The following MAP4K3 variants were observed in gnomAD, a reference collection of about 807,000 sequenced individuals.
MAP4K3 encodes mitogen-activated protein kinase kinase kinase kinase 3.
In MAP4K3, 94 loss-of-function variants were observed where a neutral mutation model predicts 143.5. The observed-to-expected ratio is 0.65, with a 90% CI of 0.55 to 0.78. The LOEUF (loss-of-function observed/expected upper bound fraction) is 0.78. Among genes scored for constraint, MAP4K3 ranks in the 30% least tolerant of loss-of-function variants. The probability of loss-of-function intolerance (pLI) is 0.00; values close to 1 mark genes in which losing one functional copy is unlikely to be tolerated. For missense variants in MAP4K3, 1,077 were observed against 1,068.1 expected (o/e 1.01, Z -0.12); for synonymous variants, 416 against 347.2 (o/e 1.20, Z -2.20).
intron 28 of MAP4K3, 48 bp from the exon 29 acceptor site, chr2:39,260,825 A>C (rs1680539271): frequency 7.5e-7 from 1 of 1,328,200 alleles, no homozygotes; most frequent in Admixed American, 1.9e-5. Flanking sequence ...ATAAAAACCG[A>C]ATAATTCTAT....
At chr2:39,274,944 C>G (rs558543504) in intron 24 of MAP4K3, among the ~76,000 whole-genome samples, 59 of 152,208 alleles carry the variant, frequency 3.9e-4, no homozygotes, top group Admixed American at 1.1e-3. Context: ...AGTAGGCTCA[C>G]GCCACCCTGT....
At chr2:39,394,445 C>T (rs962958101) in intron 1 of MAP4K3, among the ~76,000 whole-genome samples, 3 of 152,036 alleles carry the variant, frequency 2.0e-5, no homozygotes, top group African/African-American at 7.2e-5. Context: ...TGTGGTTCTC[C>T]AGAACAAAAA....
intron 2 of MAP4K3, among the ~76,000 whole-genome samples, chr2:39,371,274 T>A (rs1245731589): frequency 2.0e-5 from 3 of 152,138 alleles, no homozygotes; most frequent in African/African-American, 7.2e-5. Flanking sequence ...AAAGGAGAGC[T>A]GTATGTAAAG....
intron 16 of MAP4K3, chr2:39,294,124 G>T (rs1474745014): frequency 2.0e-5 from 3 of 152,024 alleles, no homozygotes; most frequent in African/African-American, 7.3e-5. Flanking sequence ...ATATACTACT[G>T]GGATAAAAGA....
chr2:39,319,200 T>G lies in MAP4K3; in HGVS notation c.919-3812A>C, dbSNP rs192056763. Among the ~76,000 whole-genome samples the G allele has an allele frequency of 2.4e-3, 366 of 152,224 alleles. 5 individuals carry two copies. Among genetic ancestry groups the G allele is most frequent in the Non-Finnish European group, 2.6e-3 (180 of 68,014 alleles). Reference sequence around the variant, plus strand: ...AAATTTACTTTTAGGTCTTCTCATCTTTTTCAAGTATATACACTCAATTAC... The same window carrying G: ...AAATTTACTTTTAGGTCTTCTCATCGTTTTCAAGTATATACACTCAATTAC... On this transcript the variant is annotated intron_variant, in intron 12 of 33. Coordinates refer to ENST00000263881, the MANE Select transcript of MAP4K3 (RefSeq NM_003618.4).
chr2:39,339,367 A>T (rs1257556871), intron 4 of MAP4K3, among the ~76,000 whole-genome samples: 1 of 152,228 alleles, frequency 6.6e-6, no homozygotes, highest in Non-Finnish European at 1.5e-5. Flanking sequence ...CCTGAAAATA[A>T]CACTTGGAAG....
At chr2:39,333,834 T>C (rs1286219119) in intron 6 of MAP4K3, among the ~76,000 whole-genome samples, 1 of 152,174 alleles carries the variant, frequency 6.6e-6, no homozygotes, top group African/African-American at 2.4e-5. Flanking sequence ...ATAAAAGTGA[T>C]ATATTAGTTT....
intron 6 of MAP4K3, among the ~76,000 whole-genome samples, chr2:39,334,419 C>T (rs1034000817): frequency 6.9e-6 from 1 of 145,834 alleles, no homozygotes; most frequent in South Asian, 2.3e-4. Flanking sequence ...CAGTAAAAGA[C>T]TGGCACAGGA....
intron 1 of MAP4K3, among the ~76,000 whole-genome samples, chr2:39,421,551 G>A (rs953482539): frequency 6.6e-6 from 1 of 151,920 alleles, no homozygotes; most frequent in Admixed American, 6.6e-5. Context: ...CTCAGTTTCT[G>A]TATCTGTAAA....
At chr2:39,392,428 C>T (rs1666691572) in intron 1 of MAP4K3, among the ~76,000 whole-genome samples, 1 of 152,156 alleles carries the variant, frequency 6.6e-6, no homozygotes, top group Non-Finnish European at 1.5e-5. Flanking sequence ...ATCTATAAAG[C>T]ATCCCAAAGT....
Position 39,272,336 on chromosome 2 carries a change from T to C in MAP4K3, c.1920A>G (p.Gln640=). The C allele has an allele frequency of 6.2e-7, 1 of 1,613,854 alleles. No homozygotes were observed. Among genetic ancestry groups the C allele is most frequent in the East Asian group, 2.2e-5 (1 of 44,790 alleles). The change falls in exon 26 of 34, where the codon CAA becomes CAG. Residue 640 remains glutamine (Q), a synonymous_variant. Coordinates refer to ENST00000263881, the MANE Select transcript of MAP4K3 (RefSeq NM_003618.4). The part of the protein sequence containing the change: ...PGLFDYARQM[Q]KLPVAIPAHK... ...GTGCTGGAATAGCAACAGGTAACTTTTGCATTTGTCTTGCATAATCAAAAA... is the reference window on the plus strand; with the variant it reads ...GTGCTGGAATAGCAACAGGTAACTTCTGCATTTGTCTTGCATAATCAAAAA...
At chr2:39,269,025 A>C (rs1329411837) in intron 26 of MAP4K3, among the ~76,000 whole-genome samples, 2 of 152,034 alleles carry the variant, frequency 1.3e-5, no homozygotes, top group Non-Finnish European at 2.9e-5. Context: ...CAGCCTCCTT[A>C]AGTGCTGGGA....
intron 31 of MAP4K3, among the ~76,000 whole-genome samples, chr2:39,254,926 A>T (rs1032895498): frequency 6.6e-6 from 1 of 152,156 alleles, no homozygotes. Context: ...TACAGAAAAC[A>T]GCACAAAAAT....
chr2:39,390,556 G>C (rs1666624804), intron 1 of MAP4K3, among the ~76,000 whole-genome samples: 1 of 152,148 alleles, frequency 6.6e-6, no homozygotes, highest in Non-Finnish European at 1.5e-5. Context: ...TGAAATGGCA[G>C]ATGAATGGGG....
At chr2:39,319,685 G>T (rs1004387997) in intron 12 of MAP4K3, among the ~76,000 whole-genome samples, 4 of 152,056 alleles carry the variant, frequency 2.6e-5, no homozygotes, top group African/African-American at 9.7e-5. Context: ...ATGTCATATG[G>T]TGAGCTATTA....
intron 4 of MAP4K3, among the ~76,000 whole-genome samples, chr2:39,338,700 A>G (rs1371199772): frequency 2.0e-5 from 3 of 152,230 alleles, no homozygotes; most frequent in African/African-American, 7.2e-5. Context: ...TCAAAGAGGC[A>G]GGACACTGAG....
intron 18 of MAP4K3, among the ~76,000 whole-genome samples, chr2:39,291,790 C>G (rs900469491): frequency 3.3e-5 from 5 of 152,044 alleles, no homozygotes; most frequent in Non-Finnish European, 7.4e-5. Context: ...GGTGGGAGGA[C>G]TGCTTGAGCC....
Position 39,316,768 on chromosome 2 carries a change from C to T in MAP4K3, c.919-1380G>A, listed in dbSNP as rs149952268. Among the ~76,000 whole-genome samples, 38 of 152,118 alleles carry T rather than the reference C, an allele frequency of 2.5e-4. 1 individual carries two copies. In the East Asian group the frequency reaches 6.2e-3, roughly 25 times the overall value. ...AACGGTATTACATTTACTAGAATTT[C>T]GAATAAGCAGAATTGATTCTAAAAT... is the stretch of plus-strand genomic sequence containing the variant. On this transcript the variant is annotated intron_variant, in intron 12 of 33. Transcript: ENST00000263881.
chr2:39,415,980 A>AAAAATATATATATATAT (rs1553318573), intron 1 of MAP4K3, among the ~76,000 whole-genome samples: 2 of 14,756 alleles, frequency 1.4e-4, no homozygotes, highest in Non-Finnish European at 2.9e-4. Flanking sequence ...AAAAAAAAAA[A>AAAAATATATATATATAT]ATATATATAT....
Sources: allele counts gnomAD v4.1 joint callset (sites outside exome capture counted in the v4.1 genomes callset), GRCh38; gene constraint gnomAD v4.1.1; transcripts MANE v1.5; gene names NCBI Gene and HGNC (gene_info 2026-07-23, HGNC 2026-07-21).